The following CNBD2 variants were observed in gnomAD, a reference collection of about 807,000 sequenced individuals.
CNBD2 encodes cyclic nucleotide-binding domain-containing protein 2.
A neutral mutation model predicts 63.7 loss-of-function variants in CNBD2; 64 were observed. That is an observed-to-expected ratio of 1.00 (90% confidence interval 0.82 to 1.24). The LOEUF (loss-of-function observed/expected upper bound fraction) is 1.24. Among genes scored for constraint, CNBD2 ranks in the 50% most tolerant of loss-of-function variants. The pLI is 0.00. For synonymous variants in CNBD2, 229 were observed against 255.4 expected, an observed-to-expected ratio of 0.90 and a Z score of 0.99; for missense variants, 691 against 713.5, an observed-to-expected ratio of 0.97 and a Z score of 0.36.
At chr20:35,972,312 T>C (rs530891015) in intron 1 of CNBD2, among the ~76,000 whole-genome samples, 13 of 152,318 alleles carry the variant, frequency 8.5e-5, no homozygotes, top group South Asian at 6.2e-4. Flanking sequence ...GTGCCACTTA[T>C]TTTGTGGATG....
At chr20:36,006,543 A>C (rs2056987697) in intron 8 of CNBD2, among the ~76,000 whole-genome samples, 1 of 152,074 alleles carries the variant, frequency 6.6e-6, no homozygotes, top group Non-Finnish European at 1.5e-5. Context: ...TAGCCTCCTG[A>C]GTAGCTGGGA....
chr20:36,001,817 C>T (rs1361939811), intron 8 of CNBD2, among the ~76,000 whole-genome samples: 1 of 151,152 alleles, frequency 6.6e-6, no homozygotes, highest in African/African-American at 2.4e-5. Flanking sequence ...GGCAGAGACG[C>T]TCCTCACTTC....
chr20:36,007,883 C>T (rs2057005915), intron 8 of CNBD2, among the ~76,000 whole-genome samples: 1 of 152,184 alleles, frequency 6.6e-6, no homozygotes, highest in African/African-American at 2.4e-5. Flanking sequence ...TCCAAAGTTC[C>T]ATGACCAGTC....
chr20:36,027,547 A>G (rs2057296187), intron 11 of CNBD2, among the ~76,000 whole-genome samples: 1 of 152,180 alleles, frequency 6.6e-6, no homozygotes, highest in Non-Finnish European at 1.5e-5. Flanking sequence ...GTATTTATTT[A>G]TGTGAATTAG....
intron 8 of CNBD2, among the ~76,000 whole-genome samples, chr20:36,001,453 G>A (rs1237658449): frequency 4.2e-4 from 60 of 141,532 alleles, no homozygotes; most frequent in African/African-American, 9.1e-4. Flanking sequence ...GGGCAGAGGC[G>A]CCCCTCACCT....
chr20:35,960,521 G>T (rs1175891265), intron 2 of CNBD2, among the ~76,000 whole-genome samples: 1 of 152,118 alleles, frequency 6.6e-6, no homozygotes, highest in Non-Finnish European at 1.5e-5. Flanking sequence ...TTTTTTGTTT[G>T]TTTGTTTGTT....
At chr20:35,977,081 G>A (rs554887091) in intron 3 of CNBD2, among the ~76,000 whole-genome samples, 1 of 152,304 alleles carries the variant, frequency 6.6e-6, no homozygotes, top group South Asian at 2.1e-4. Flanking sequence ...ACTGAGCACT[G>A]AAGCTTAATC....
rs74173968 is a variant in CNBD2, at chr20:35,998,874, CAAAAAAA to C, written c.970+3742_970+3748del. ...AGCGACAGAGCAAGACTGTGTCTCT[CAAAAAAA>C]AAAAAAAAAAAAAAAAAAATTCTTA... On this transcript the variant is annotated intron_variant, in intron 8 of 11. Coordinates refer to ENST00000373973, the MANE Select transcript of CNBD2 (RefSeq NM_001365709.1). Among the ~76,000 whole-genome samples, 12 of 47,374 alleles carry C rather than the reference CAAAAAAA, an allele frequency of 2.5e-4. No homozygotes were observed. The Admixed American group carries it at 2.6e-3, about 10-fold the overall frequency. The allele number at this position is 47,374 out of a possible 152,430, so 31.1% of individuals were successfully genotyped here.
chr20:35,957,091 A>G (rs2056263725), downstream of CNBD2, among the ~76,000 whole-genome samples: 1 of 152,110 alleles, frequency 6.6e-6, no homozygotes, highest in Non-Finnish European at 1.5e-5. Flanking sequence ...TCTCTAGTCT[A>G]TTTCTTCCAT....
At chr20:35,982,727 ATT>A (rs111477946) in intron 4 of CNBD2, among the ~76,000 whole-genome samples, 1 of 146,106 alleles carries the variant, frequency 6.8e-6, no homozygotes, top group African/African-American at 2.5e-5. Flanking sequence ...ATTGTGCCCA[ATT>A]TTTTTTTTTT....
chr20:35,975,753 T>G (rs1401776783), intron 2 of CNBD2, among the ~76,000 whole-genome samples, 196 bp from the exon 3 acceptor site: 1 of 152,126 alleles, frequency 6.6e-6, no homozygotes, highest in Non-Finnish European at 1.5e-5. Flanking sequence ...AATAATATGC[T>G]GTAAATGCTG....
At chr20:35,998,028 TTTTTTC>T (rs1320230011) in intron 8 of CNBD2, among the ~76,000 whole-genome samples, 4 of 151,254 alleles carry the variant, frequency 2.6e-5, no homozygotes, top group Admixed American at 2.0e-4. Flanking sequence ...TACTGATTTC[TTTTTTC>T]TTTTTCTTTT....
At position 36,011,276 on chromosome 20, in the gene CNBD2, C is replaced by T. The variant is rs2057057379; in HGVS notation, c.1269+19C>T. ...AATTTTGGTGAGTGTGCCAAGAGCT[C>T]TGTTCACCATGGAGTACGTAACATG... On this transcript the variant is annotated intron_variant, in intron 10 of 11. Transcript: ENST00000373973. 6.5e-7 allele frequency: 1 copy of T among 1,530,722 alleles called. No individual in the cohort carries two copies. Among genetic ancestry groups the T allele is most frequent in the Non-Finnish European group, 8.8e-7 (1 of 1,136,116 alleles). 94.8% of individuals were successfully genotyped at this position (1,530,722 alleles called of 1,614,324 possible).
intron 3 of CNBD2, among the ~76,000 whole-genome samples, chr20:35,978,415 G>A (rs1038631930): frequency 1.7e-4 from 26 of 151,574 alleles, no homozygotes; most frequent in Admixed American, 1.3e-4. Context: ...AGCGATCTGG[G>A]CTCACTACAA....
chr20:35,961,075 G>A (rs77657562), intron 2 of CNBD2, among the ~76,000 whole-genome samples: 10 of 151,882 alleles, frequency 6.6e-5, no homozygotes, highest in African/African-American at 1.9e-4. Flanking sequence ...GATTACAGAC[G>A]CCTGCCACCA....
intron 10 of CNBD2, among the ~76,000 whole-genome samples, chr20:36,013,986 C>T (rs988227150): frequency 6.6e-6 from 1 of 151,946 alleles, no homozygotes; most frequent in Non-Finnish European, 1.5e-5. Flanking sequence ...TCGAGACCAT[C>T]CTGGCTAACA....
chr20:36,007,777 C>T (rs1330074429), intron 8 of CNBD2, among the ~76,000 whole-genome samples: 2 of 152,176 alleles, frequency 1.3e-5, no homozygotes, highest in Non-Finnish European at 2.9e-5. Context: ...CTACTTTGAT[C>T]TCCCAAAGTG....
chr20:36,019,149 G>A (rs2057173374), intron 10 of CNBD2, among the ~76,000 whole-genome samples: 1 of 152,130 alleles, frequency 6.6e-6, no homozygotes, highest in Non-Finnish European at 1.5e-5. Flanking sequence ...AGCAGGGTGG[G>A]TGGGGAGGTT....
intron 4 of CNBD2, among the ~76,000 whole-genome samples, chr20:35,982,967 C>T (rs547384724): frequency 6.6e-6 from 1 of 152,166 alleles, no homozygotes; most frequent in Non-Finnish European, 1.5e-5. Flanking sequence ...AAGACTCCGA[C>T]TCTCCAAATA....
Sources: allele counts gnomAD v4.1 joint callset (sites outside exome capture counted in the v4.1 genomes callset), GRCh38; gene constraint gnomAD v4.1.1; transcripts MANE v1.5; gene names NCBI Gene and HGNC (gene_info 2026-07-23, HGNC 2026-07-21).